TXNDC16: variants seen among roughly 807,000 people sequenced by gnomAD.
The protein encoded by TXNDC16 is thioredoxin domain containing 16.
In TXNDC16, 74 loss-of-function variants were observed where a neutral mutation model predicts 85.6. The observed-to-expected ratio is 0.86, with a 90% confidence interval of 0.72 to 1.05. The LOEUF (loss-of-function observed/expected upper bound fraction) is 1.05. Among genes scored for constraint, TXNDC16 ranks in the 50% least tolerant of loss-of-function variants. TXNDC16 has a pLI of 0.00. For missense variants in TXNDC16, 959 were observed against 947.0 expected (o/e 1.01, Z -0.17); for synonymous variants, 335 against 326.5 (o/e 1.03, Z -0.28).
chr14:52,530,390 TTATAA>T (rs1476219823), intron 6 of TXNDC16, among the ~76,000 whole-genome samples: 1 of 13,872 alleles, frequency 7.2e-5, no homozygotes, highest in Non-Finnish European at 1.0e-4. Flanking sequence ...ATATATAATA[TTATAA>T]TATAATATAT....
chr14:52,440,261 G>A (rs1263760441), intron 19 of TXNDC16, among the ~76,000 whole-genome samples: 2 of 152,056 alleles, frequency 1.3e-5, no homozygotes, highest in Non-Finnish European at 2.9e-5. Flanking sequence ...GGAACTGAAG[G>A]AAAAGTCCAA....
chr14:52,449,866 G>A (rs191089378), intron 18 of TXNDC16, among the ~76,000 whole-genome samples: 107 of 152,050 alleles, frequency 7.0e-4, no homozygotes, highest in African/African-American at 2.5e-3. Context: ...TGGGGTCAAT[G>A]AAGAAATTAA....
intron 16 of TXNDC16, among the ~76,000 whole-genome samples, chr14:52,467,117 A>C (rs866407872): frequency 1.8e-4 from 27 of 152,074 alleles, no homozygotes; most frequent in African/African-American, 6.3e-4. Flanking sequence ...TTAAACAGAC[A>C]TATATCACAC....
intron 18 of TXNDC16, among the ~76,000 whole-genome samples, chr14:52,451,427 CA>C (rs879157792): frequency 6.6e-6 from 1 of 151,892 alleles, no homozygotes; most frequent in African/African-American, 2.4e-5. Flanking sequence ...TGATGAATAT[CA>C]ATTGATGCAA....
At chr14:52,478,975 T>C (rs768016034) in intron 14 of TXNDC16, among the ~76,000 whole-genome samples, 1 of 152,134 alleles carries the variant, frequency 6.6e-6, no homozygotes, top group Non-Finnish European at 1.5e-5. Context: ...CATGATCAAG[T>C]GGGTTTCATA....
chr14:52,539,140 A>T (rs1395525537), intron 4 of TXNDC16, among the ~76,000 whole-genome samples: 1 of 152,206 alleles, frequency 6.6e-6, no homozygotes, highest in Non-Finnish European at 1.5e-5. Flanking sequence ...AGGTAGAGAC[A>T]AGTTGAAAAC....
chr14:52,511,150 T>A, intron 9 of TXNDC16, 90 bp downstream of exon 9: 1 of 1,209,858 alleles, frequency 8.3e-7, no homozygotes, highest in South Asian at 2.8e-5. Flanking sequence ...AAATCAAAAC[T>A]TAACAAATTT....
intron 6 of TXNDC16, among the ~76,000 whole-genome samples, chr14:52,520,142 A>G (rs1354301245): frequency 6.6e-6 from 1 of 152,194 alleles, no homozygotes; most frequent in Non-Finnish European, 1.5e-5. Flanking sequence ...ATGGAAGTTC[A>G]AAACACTGAA....
chr14:52,524,112 C>T (rs986583828), intron 6 of TXNDC16, among the ~76,000 whole-genome samples: 7 of 152,314 alleles, frequency 4.6e-5, no homozygotes, highest in African/African-American at 1.7e-4. Context: ...AATGAGCAAT[C>T]GCTCAATGCC....
At position 52,432,318 on chromosome 14, in the gene TXNDC16, A is replaced by C. The variant is rs144886303; in HGVS notation, c.2464T>G (p.Ser822Ala). Reference sequence around the variant, plus strand: ...GCCCTATAAAATTAGTTCACTTTTGAGCATCCTAACTCTTTATCACGTCTA... The same window carrying C: ...GCCCTATAAAATTAGTTCACTTTTGCGCATCCTAACTCTTTATCACGTCTA... Reference protein sequence around the residue: ...SFRRDKELGCSKVN With the variant: ...SFRRDKELGCAKVN The change falls in exon 21 of 21, where the codon TCA becomes GCA. Residue 822 changes from serine (S) to alanine (A), a missense_variant. Transcript: ENST00000281741. 1,847 of 1,605,714 alleles carry C rather than the reference A, an allele frequency of 1.2e-3. 34 individuals carry two copies. In the South Asian group the frequency reaches 0.016, roughly 14 times the overall value.
At chr14:52,442,278 T>G (rs903106265) in intron 18 of TXNDC16, among the ~76,000 whole-genome samples, 1 of 152,192 alleles carries the variant, frequency 6.6e-6, no homozygotes, top group Non-Finnish European at 1.5e-5. Flanking sequence ...GAGCTAGATA[T>G]ATCATCCTGT....
intron 6 of TXNDC16, among the ~76,000 whole-genome samples, chr14:52,528,560 G>GAT (rs1264609693): frequency 4.6e-5 from 7 of 151,148 alleles, no homozygotes; most frequent in East Asian, 1.9e-4. Flanking sequence ...AATTATATAT[G>GAT]ATATATATAT....
chr14:52,506,526 C>T (rs868818561), intron 9 of TXNDC16, among the ~76,000 whole-genome samples: 2 of 126,980 alleles, frequency 1.6e-5, no homozygotes, highest in South Asian at 5.1e-4. Flanking sequence ...TTTCAACAAC[C>T]CTTTTTTTTT....
intron 18 of TXNDC16, among the ~76,000 whole-genome samples, chr14:52,444,353 G>A (rs1374944387): frequency 6.6e-6 from 1 of 152,140 alleles, no homozygotes; most frequent in Non-Finnish European, 1.5e-5. Context: ...CAATGCTTAT[G>A]TAGTTAATTA....
chr14:52,460,992 T>G (rs7150452), intron 16 of TXNDC16, among the ~76,000 whole-genome samples: 2 of 151,692 alleles, frequency 1.3e-5, no homozygotes, highest in Non-Finnish European at 2.9e-5. Flanking sequence ...AAATAAACTT[T>G]GTAATCTCAT....
intron 16 of TXNDC16, among the ~76,000 whole-genome samples, chr14:52,464,025 C>T (rs2140124425): frequency 6.6e-6 from 1 of 152,306 alleles, no homozygotes; most frequent in East Asian, 1.9e-4. Flanking sequence ...CATTCTGGCA[C>T]ACCAGAACTA....
chr14:52,491,846 A>G (rs11623647), intron 9 of TXNDC16, among the ~76,000 whole-genome samples: 72,518 of 151,970 alleles, frequency 0.48, 17,727 homozygotes, highest in East Asian at 0.7. Flanking sequence ...AAGAGAAAAG[A>G]TAGCACAATT....
At chr14:52,451,535 G>A (rs953537880) in intron 18 of TXNDC16, among the ~76,000 whole-genome samples, 2 of 152,048 alleles carry the variant, frequency 1.3e-5, no homozygotes, top group African/African-American at 4.8e-5. Flanking sequence ...TGCGAGGATG[G>A]TTCAACATAC....
intron 9 of TXNDC16, among the ~76,000 whole-genome samples, chr14:52,505,435 T>C (rs374904511): frequency 1.3e-5 from 2 of 152,158 alleles, no homozygotes; most frequent in East Asian, 1.9e-4. Flanking sequence ...CTCAACTACA[T>C]GGAAACTGAA....
Sources: gnomAD v4.1 joint callset for allele counts (sites outside exome capture counted in the v4.1 genomes callset) on GRCh38, gnomAD v4.1.1 for gene constraint, MANE v1.5 for transcripts, NCBI Gene and HGNC (gene_info 2026-07-23, HGNC 2026-07-21) for gene names.